Variants in SLC16A6 observed in about 807,000 individuals in gnomAD.
The protein encoded by SLC16A6 is solute carrier family 16 member 6.
A neutral mutation model predicts 33.8 loss-of-function variants in SLC16A6; 15 were observed. The ratio of observed to expected loss-of-function variants is 0.44; its 90% CI spans 0.30 to 0.68. The LOEUF is 0.68. Ranked by LOEUF, SLC16A6 falls within the 30% of genes least tolerant of loss-of-function variation. The pLI is 0.10. For missense variants in SLC16A6, 451 were observed against 661.5 expected (o/e 0.68, Z 3.49); for synonymous variants, 219 against 248.4 (o/e 0.88, Z 1.11).
intron 3 of SLC16A6, among the ~76,000 whole-genome samples, chr17:68,273,101 T>C (rs1258411399): frequency 6.6e-6 from 1 of 152,164 alleles, no homozygotes; most frequent in Non-Finnish European, 1.5e-5. Context: ...AAATAAGTCA[T>C]TTCATATGTG....
chr17:68,288,507 C>T (rs533692261), intron 1 of SLC16A6, among the ~76,000 whole-genome samples: 1 of 152,252 alleles, frequency 6.6e-6, no homozygotes, highest in East Asian at 1.9e-4. Context: ...AGGGATCTAA[C>T]TGGTGAGGCG....
chr17:68,277,688 T>C (rs2075568653), intron 2 of SLC16A6, among the ~76,000 whole-genome samples: 1 of 152,062 alleles, frequency 6.6e-6, no homozygotes, highest in South Asian at 2.1e-4. Flanking sequence ...CCTTGACCTC[T>C]CAAAGTGCTT....
At chr17:68,285,350 C>G (rs564714318) in intron 1 of SLC16A6, among the ~76,000 whole-genome samples, 45 of 152,274 alleles carry the variant, frequency 3.0e-4, no homozygotes, top group African/African-American at 1.1e-3. Flanking sequence ...TGCAGTGGCA[C>G]GATCATAGCT....
rs1035768063 is a variant in SLC16A6, at chr17:68,276,761, C to T, written c.232+1328G>A. Among the ~76,000 whole-genome samples the T allele has an allele frequency of 7.9e-5, 12 of 151,876 alleles. No homozygotes were observed. In the East Asian group the frequency reaches 2.3e-3, roughly 30 times the overall value. On this transcript the variant is annotated intron_variant, in intron 2 of 5. Coordinates refer to ENST00000580666, the MANE Select transcript of SLC16A6 (RefSeq NM_004694.5). ...GAGCCACCATGCCCAGCTTGGTTAA[C>T]TTTCTGAGGTGAGTTCAACAGCCCT...
intron 1 of SLC16A6, among the ~76,000 whole-genome samples, chr17:68,288,753 G>A (rs1462856428): frequency 5.3e-5 from 8 of 152,226 alleles, no homozygotes; most frequent in Non-Finnish European, 1.2e-4. Context: ...AGGCCGAAGA[G>A]TTGGTCTTCT....
intron 1 of SLC16A6, chr17:68,285,574 G>C (rs1032747198): frequency 6.6e-6 from 1 of 152,346 alleles, no homozygotes; most frequent in Non-Finnish European, 1.5e-5. Context: ...GGAGGCTGCG[G>C]TGGGAGAACT....
At chr17:68,287,423 G>A (rs782672324) in intron 1 of SLC16A6, among the ~76,000 whole-genome samples, 14 of 152,018 alleles carry the variant, frequency 9.2e-5, no homozygotes, top group Non-Finnish European at 1.6e-4. Context: ...GCCTCCCAAA[G>A]TGATAGTATT....
rs184309294 is a variant in SLC16A6 at position 68,267,333 on chromosome 17, A to G, written c.*1763T>C. The G allele has an allele frequency of 2.6e-4, 40 of 152,346 alleles. No homozygotes were observed. Among genetic ancestry groups the G allele is most frequent in the African/African-American group, 8.4e-4 (35 of 41,582 alleles). The allele number at this position is 152,346 out of a possible 1,614,324, so 9.4% of individuals were successfully genotyped here. A position where few individuals can be genotyped will look rare whatever the true frequency, so the allele number is the denominator to read the frequency against. ...ACAAGCTCAAAGTTCTCAAGCAGTG[A>G]CAGAGATTTGCTACATCCACCTTGT... On this transcript the variant is annotated 3_prime_UTR_variant, in exon 6 of 6. Coordinates refer to ENST00000580666, the MANE Select transcript of SLC16A6 (RefSeq NM_004694.5).
chr17:68,280,199 A>AG (rs2075650146), intron 1 of SLC16A6, among the ~76,000 whole-genome samples: 2 of 149,032 alleles, frequency 1.3e-5, no homozygotes. Context: ...AAAAAAAAAA[A>AG]AGAATTATTT....
At chr17:68,281,126 CAAA>C (rs782776858) in intron 1 of SLC16A6, among the ~76,000 whole-genome samples, 11 of 72,882 alleles carry the variant, frequency 1.5e-4, no homozygotes, top group Admixed American at 4.6e-4. Context: ...ACTCTGCCTC[CAAA>C]AAAAAAAAAA....
chr17:68,277,330 C>A (rs912409575), intron 2 of SLC16A6, among the ~76,000 whole-genome samples: 3 of 152,070 alleles, frequency 2.0e-5, no homozygotes, highest in Non-Finnish European at 4.4e-5. Flanking sequence ...GGGGGTTTCA[C>A]TATGTTGGTC....
intron 5 of SLC16A6, among the ~76,000 whole-genome samples, chr17:68,269,672 G>GATTTTTTTTT: frequency 1.9e-5 from 1 of 54,010 alleles, no homozygotes; most frequent in Non-Finnish European, 3.1e-5. Context: ...GTTCACTTTA[G>GATTTTTTTTT]GTTTTTTTTT....
chr17:68,277,954 T>A, intron 2 of SLC16A6, 135 bp downstream of exon 2: 1 of 619,286 alleles, frequency 1.6e-6, no homozygotes, highest in East Asian at 2.8e-5. Flanking sequence ...AAAACCCTGT[T>A]AGTCAGGGCT....
rs753226498 is a variant in SLC16A6, at chr17:68,267,956, TA to T, written c.*1139del. 2.0e-5 allele frequency: 3 copies of T among 152,220 alleles called. No individual in the cohort carries two copies. Among genetic ancestry groups the T allele is most frequent in the Non-Finnish European group, 4.4e-5 (3 of 68,026 alleles). 9.4% of individuals were successfully genotyped at this position (152,220 alleles called of 1,614,324 possible). A position where few individuals can be genotyped will look rare whatever the true frequency, so the allele number is the denominator to read the frequency against. The stretch of plus-strand genomic sequence containing the variant: ...TTTTTTCTTTAAATCAGAAATGCTT[TA>T]ACAATTCTCTGAAATATAATTCTGA... On this transcript the variant is annotated 3_prime_UTR_variant, in exon 6 of 6. Transcript: ENST00000580666.
At chr17:68,290,921 CT>C (rs1555755645) in intron 1 of SLC16A6, among the ~76,000 whole-genome samples, 164 bp downstream of exon 1, 1 of 29,652 alleles carries the variant, frequency 3.4e-5, no homozygotes, top group East Asian at 8.3e-4. Context: ...GCATTCCTAA[CT>C]GTCAGAGCGA....
At chr17:68,275,843 C>T (rs1043893478) in intron 2 of SLC16A6, among the ~76,000 whole-genome samples, 6 of 151,608 alleles carry the variant, frequency 4.0e-5, no homozygotes, top group East Asian at 2.0e-4. Flanking sequence ...ATTAGCCAGG[C>T]GTGGTGGCAG....
At chr17:68,275,524 A>C (rs1387499428) in intron 2 of SLC16A6, among the ~76,000 whole-genome samples, 1 of 152,202 alleles carries the variant, frequency 6.6e-6, no homozygotes, top group African/African-American at 2.4e-5. Flanking sequence ...TAATAGTATT[A>C]AGTGGAAATT....
chr17:68,273,848 G>A (rs1364360403), intron 3 of SLC16A6, 79 bp downstream of exon 3: 11 of 1,492,774 alleles, frequency 7.4e-6, no homozygotes, highest in South Asian at 1.2e-5. Flanking sequence ...ATATAGTTTG[G>A]CTTTAATTTC....
intron 2 of SLC16A6, among the ~76,000 whole-genome samples, chr17:68,277,434 CTTT>C (rs1555751361): frequency 6.7e-6 from 1 of 150,102 alleles, no homozygotes; most frequent in South Asian, 2.1e-4. Flanking sequence ...CCGGCCGCAA[CTTT>C]TTTCTTTTTT....
Sources: allele counts gnomAD v4.1 joint callset (sites outside exome capture counted in the v4.1 genomes callset), GRCh38; gene constraint gnomAD v4.1.1; transcripts MANE v1.5; gene names NCBI Gene and HGNC (gene_info 2026-07-23, HGNC 2026-07-21).